Variants in CHCHD6 observed in about 807,000 individuals in gnomAD.
CHCHD6 encodes the protein MICOS complex subunit MIC25.
A neutral mutation model predicts 32.3 loss-of-function variants in CHCHD6; 28 were observed. The ratio of observed to expected loss-of-function variants is 0.87; its 90% CI spans 0.64 to 1.19. The LOEUF is 1.19. CHCHD6 is among the 50% of genes most tolerant of loss of function. CHCHD6 has a pLI of 0.00. For missense variants in CHCHD6, 333 were observed against 307.0 expected, an observed-to-expected ratio of 1.08 and a Z score of -0.63; for synonymous variants, 122 against 117.5, an observed-to-expected ratio of 1.04 and a Z score of -0.25.
intron 4 of CHCHD6, among the ~76,000 whole-genome samples, chr3:126,791,480 C>T (rs1257929979): frequency 6.6e-6 from 1 of 152,252 alleles, no homozygotes; most frequent in African/African-American, 2.4e-5. Context: ...CCCAGTTCGA[C>T]CTTCCTGGCC....
chr3:126,862,390 T>C (rs1360516378), intron 5 of CHCHD6, among the ~76,000 whole-genome samples: 2 of 122,400 alleles, frequency 1.6e-5, no homozygotes. Flanking sequence ...CACCTCCTCC[T>C]CCTCTACCAT....
chr3:126,767,020 A>G lies in CHCHD6; in HGVS notation c.411+33798A>G, dbSNP rs546786049. On this transcript the variant is annotated intron_variant, in intron 4 of 7. Coordinates refer to ENST00000290913, the MANE Select transcript of CHCHD6 (RefSeq NM_032343.3). ...TCACACAGCTACATTTGGTACAGGC[A>G]GGATCTGCCTCAATGAAGATGGTCA... The G allele has an allele frequency of 2.6e-5, 23 of 879,864 alleles. No homozygotes were observed. The Admixed American group carries it at 3.2e-4, about 12-fold the overall frequency. 54.5% of individuals were successfully genotyped at this position (879,864 alleles called of 1,614,324 possible).
chr3:126,817,538 G>T (rs1429881583), intron 4 of CHCHD6, among the ~76,000 whole-genome samples: 4 of 152,168 alleles, frequency 2.6e-5, no homozygotes, highest in African/African-American at 4.8e-5. Context: ...CCTGGCCTTT[G>T]CCTGCAGAAC....
chr3:126,774,235 A>G (rs1937595458), intron 4 of CHCHD6, among the ~76,000 whole-genome samples: 1 of 152,168 alleles, frequency 6.6e-6, no homozygotes, highest in South Asian at 2.1e-4. Flanking sequence ...ACAACCATAT[A>G]ATAACCACCT....
chr3:126,833,098 G>GTGCCCACA (rs765143546), intron 4 of CHCHD6, among the ~76,000 whole-genome samples: 8 of 152,216 alleles, frequency 5.3e-5, no homozygotes, highest in Non-Finnish European at 8.8e-5. Flanking sequence ...GTGCATGCAT[G>GTGCCCACA]TGCCCACATG....
chr3:126,957,805 G>T, intron 7 of CHCHD6: 1 of 566,406 alleles, frequency 1.8e-6, no homozygotes, highest in South Asian at 2.0e-5. Context: ...TATTAGGCTG[G>T]GTGGGAGCAG....
chr3:126,870,488 T>C (rs974582666), intron 5 of CHCHD6, among the ~76,000 whole-genome samples: 8 of 152,174 alleles, frequency 5.3e-5, no homozygotes, highest in Non-Finnish European at 8.8e-5. Context: ...ATCCAATACT[T>C]GTCCTTTTGG....
At chr3:126,752,509 G>A (rs1314681297) in intron 4 of CHCHD6, among the ~76,000 whole-genome samples, 1 of 152,234 alleles carries the variant, frequency 6.6e-6, no homozygotes, top group Non-Finnish European at 1.5e-5. Flanking sequence ...CATCCTCTGA[G>A]GGCCTGTAAC....
intron 4 of CHCHD6, among the ~76,000 whole-genome samples, chr3:126,839,744 A>G (rs1169476420): frequency 2.6e-5 from 4 of 152,026 alleles, no homozygotes; most frequent in Admixed American, 2.6e-4. Context: ...TATTTTGATA[A>G]CTGTATTTCA....
chr3:126,910,901 G>A (rs770151622), intron 5 of CHCHD6, among the ~76,000 whole-genome samples: 10 of 152,142 alleles, frequency 6.6e-5, no homozygotes, highest in African/African-American at 2.4e-4. Flanking sequence ...GCCCATGCAT[G>A]CACAGCACCT....
intron 4 of CHCHD6, chr3:126,766,654 C>T (rs760795901): frequency 2.9e-6 from 3 of 1,034,690 alleles, no homozygotes; most frequent in African/African-American, 3.1e-5. Context: ...CTATGGTGCT[C>T]TCTCGGTGGC....
chr3:126,767,352 C>T, intron 4 of CHCHD6: 1 of 834,934 alleles, frequency 1.2e-6, no homozygotes, highest in South Asian at 1.3e-5. Context: ...TAGTTCTGCC[C>T]ACATGCTGCA....
chr3:126,926,933 G>C (rs1178005598), intron 6 of CHCHD6, among the ~76,000 whole-genome samples: 1 of 152,126 alleles, frequency 6.6e-6, no homozygotes, highest in Admixed American at 6.5e-5. Context: ...TGAACCGGCA[G>C]GAGGCTTCCT....
At chr3:126,912,791 CG>C in intron 5 of CHCHD6, among the ~76,000 whole-genome samples, 1 of 152,338 alleles carries the variant, frequency 6.6e-6, no homozygotes, top group East Asian at 1.9e-4. Flanking sequence ...TCTGAGGCCA[CG>C]ATGCAGCAGG....
At chr3:126,958,532 T>C (rs1236246958) in intron 7 of CHCHD6, among the ~76,000 whole-genome samples, 2 of 151,954 alleles carry the variant, frequency 1.3e-5, no homozygotes, top group Non-Finnish European at 2.9e-5. Flanking sequence ...CTGAGCGGGG[T>C]CCTGCAGCCC....
intron 6 of CHCHD6, among the ~76,000 whole-genome samples, chr3:126,937,831 G>C (rs114610128): frequency 3.3e-5 from 5 of 152,050 alleles, no homozygotes; most frequent in Non-Finnish European, 5.9e-5. Context: ...TGGAGGGTGT[G>C]GGGGGAGATA....
chr3:126,884,882 C>A (rs1432406380), intron 5 of CHCHD6, among the ~76,000 whole-genome samples: 1 of 152,198 alleles, frequency 6.6e-6, no homozygotes, highest in Non-Finnish European at 1.5e-5. Flanking sequence ...CATGGATCTG[C>A]CCCTCTGGTG....
chr3:126,942,084 C>A (rs2078569064), intron 6 of CHCHD6, among the ~76,000 whole-genome samples: 1 of 151,822 alleles, frequency 6.6e-6, no homozygotes, highest in South Asian at 2.1e-4. Context: ...CAGCCCTGGC[C>A]CACCTGGTGT....
At chr3:126,906,406 G>A (rs1197963486) in intron 5 of CHCHD6, among the ~76,000 whole-genome samples, 1 of 152,188 alleles carries the variant, frequency 6.6e-6, no homozygotes, top group African/African-American at 2.4e-5. Flanking sequence ...ATTAAGCCCA[G>A]TGGCTCCCTA....
Sources: allele counts gnomAD v4.1 joint callset (sites outside exome capture counted in the v4.1 genomes callset), GRCh38; gene constraint gnomAD v4.1.1; transcripts MANE v1.5; gene names NCBI Gene and HGNC (gene_info 2026-07-23, HGNC 2026-07-21).